Variants in ZNF469 observed in about 807,000 individuals in gnomAD.
ZNF469 encodes the protein zinc finger protein 469.
Under a neutral mutation model 1.0 loss-of-function variants are expected in ZNF469, and 1 was observed. The observed-to-expected ratio is 1.00, with a 90% CI of 0.35 to 4.73. The LOEUF is 4.73. Ranked by LOEUF, ZNF469 falls within the 30% of genes most tolerant of loss-of-function variation. The pLI is 0.16. For missense variants in ZNF469, 6,100 were observed against 5,356.3 expected (o/e 1.14, Z -4.33); for synonymous variants, 2,703 against 2,363.4 (o/e 1.14, Z -4.17).
chr16:88,311,902 T>G, the ZNF469 span, among the ~76,000 whole-genome samples: 6 of 152,206 alleles, frequency 3.9e-5, no homozygotes, highest in African/African-American at 1.4e-4. Context: ...TGAAATCTCA[T>G]TGGCTGCTTG....
At chr16:88,329,236 G>T in the ZNF469 span, among the ~76,000 whole-genome samples, 1 of 152,190 alleles carries the variant, frequency 6.6e-6, no homozygotes. Flanking sequence ...AGGGGCTCCA[G>T]GGAGGGAGCC....
the ZNF469 span, among the ~76,000 whole-genome samples, chr16:88,229,788 G>A: frequency 2.6e-5 from 4 of 152,232 alleles, no homozygotes. Context: ...CAACAATGGT[G>A]CCTCTGTGCA....
chr16:88,205,715 C>T, the ZNF469 span, among the ~76,000 whole-genome samples: 4 of 152,202 alleles, frequency 2.6e-5, no homozygotes, highest in South Asian at 2.1e-4. The surrounding 1 kb of genome is among the most constrained non-coding windows in gnomAD (Gnocchi z 4.2). Flanking sequence ...GGTGTAGTGA[C>T]GAGGTGTCAG....
chr16:88,393,370 T>G (rs1186528758), intron 1 of ZNF469, among the ~76,000 whole-genome samples: 2 of 152,228 alleles, frequency 1.3e-5, no homozygotes, highest in Non-Finnish European at 2.9e-5. Flanking sequence ...CATTTAGCTC[T>G]GGGAAAGGCT....
At chr16:88,214,065 C>A in the ZNF469 span, among the ~76,000 whole-genome samples, 1 of 152,210 alleles carries the variant, frequency 6.6e-6, no homozygotes, top group African/African-American at 2.4e-5. Context: ...CTTGTCTTGG[C>A]TGCAGAAGTC....
the ZNF469 span, among the ~76,000 whole-genome samples, chr16:88,280,551 C>T: frequency 1.0e-4 from 15 of 150,464 alleles, no homozygotes; most frequent in East Asian, 1.4e-3. Context: ...TGCTGTGCCA[C>T]GCTGATGCTT....
At chr16:88,397,244 C>T (rs1176559320) in intron 1 of ZNF469, among the ~76,000 whole-genome samples, 1 of 152,262 alleles carries the variant, frequency 6.6e-6, no homozygotes, top group Non-Finnish European at 1.5e-5. Flanking sequence ...ACCCGGTGCC[C>T]ACCCTCAAGC....
the ZNF469 span, among the ~76,000 whole-genome samples, chr16:88,275,883 C>G: frequency 6.6e-6 from 1 of 152,142 alleles, no homozygotes; most frequent in South Asian, 2.1e-4. Context: ...GCCCCTGGCT[C>G]ACACAGCCCA....
chr16:88,431,464 G>T lies in ZNF469; in HGVS notation c.3994G>T (p.Ala1332Ser). Reference sequence around the variant, plus strand: ...GCCTGGAGAATTTCTGGCACCCGTGGCTAACCCCTCAAGTACCGCCTGCCC... The same window carrying T: ...GCCTGGAGAATTTCTGGCACCCGTGTCTAACCCCTCAAGTACCGCCTGCCC... ...RQPGEFLAPV[A>S]NPSSTACPKP... The change falls in exon 3 of 3, where the codon GCT (alanine) becomes TCT (serine). Residue 1332 changes from alanine to serine, a missense_variant. By Grantham distance (99) the Ala-to-Ser change is moderately conservative (BLOSUM62 1). Transcript: ENST00000565624. The T allele has an allele frequency of 6.4e-7, 1 of 1,550,388 alleles. No individual in the cohort carries two copies. The highest frequency in any genetic ancestry group is 8.7e-7 in the Non-Finnish European group (1 of 1,146,978).
At chr16:88,324,233 G>C in the ZNF469 span, among the ~76,000 whole-genome samples, 1 of 152,264 alleles carries the variant, frequency 6.6e-6, no homozygotes, top group Admixed American at 6.5e-5. Flanking sequence ...CGGACCGCCA[G>C]CCCTGAAATT....
the ZNF469 span, among the ~76,000 whole-genome samples, chr16:88,186,821 G>C: frequency 1.3e-5 from 2 of 152,202 alleles, no homozygotes; most frequent in African/African-American, 2.4e-5. Flanking sequence ...TGGCGGGGCG[G>C]GGGGATGCGG....
the ZNF469 span, among the ~76,000 whole-genome samples, chr16:88,278,113 A>G: frequency 5.4e-3 from 115 of 21,480 alleles, 3 homozygotes; most frequent in Admixed American, 5.5e-3. Context: ...ATCAGTGCAC[A>G]GTTAGTGCTG....
the ZNF469 span, among the ~76,000 whole-genome samples, chr16:88,125,966 A>T: frequency 5.2e-4 from 79 of 151,882 alleles, 1 homozygote; most frequent in Middle Eastern, 0.01. Flanking sequence ...ATGCGGGTGG[A>T]TTGCCTGAGC....
chr16:88,334,064 G>C, the ZNF469 span, among the ~76,000 whole-genome samples: 1 of 151,902 alleles, frequency 6.6e-6, no homozygotes, highest in African/African-American at 2.4e-5. Flanking sequence ...GTGTCTGTGT[G>C]TGTCTGTGTG....
chr16:88,201,353 G>A, the ZNF469 span, among the ~76,000 whole-genome samples: 3 of 152,104 alleles, frequency 2.0e-5, no homozygotes, highest in African/African-American at 7.2e-5. This position sits in a 1 kb window ranked among gnomAD's most constrained non-coding sequence, Gnocchi z 5.0. Context: ...TCAGGAGTTC[G>A]AGACCAGCCT....
At chr16:88,326,227 G>A in the ZNF469 span, among the ~76,000 whole-genome samples, 17 of 152,338 alleles carry the variant, frequency 1.1e-4, no homozygotes, top group African/African-American at 3.4e-4. Context: ...TGCTGTTCTC[G>A]TGATAGTGAA....
At chr16:88,202,709 CCTCA>C in the ZNF469 span, among the ~76,000 whole-genome samples, 1 of 152,182 alleles carries the variant, frequency 6.6e-6, no homozygotes, top group African/African-American at 2.4e-5. Context: ...GGTGGGGGCG[CCTCA>C]CTCCTCACCG....
chr16:88,424,558 G>A lies in ZNF469; in HGVS notation c.-191-249G>A, dbSNP rs944961744. Among the ~76,000 whole-genome samples the A allele has an allele frequency of 3.9e-5, 6 of 152,312 alleles. No individual in the cohort carries two copies. Among genetic ancestry groups the A allele is most frequent in the Middle Eastern group, 3.4e-3 (1 of 294 alleles). On this transcript the variant is annotated intron_variant, in intron 1 of 2. Coordinates refer to ENST00000565624, the MANE Select transcript of ZNF469 (RefSeq NM_001367624.2). The surrounding 1 kb of genome is among the most constrained non-coding windows in gnomAD (Gnocchi z 4.3). ...CAACAAAAAGAGATTTAAGATAGCC[G>A]TCAAAGCTGCAGCTGAGGCAGCCAG...
At chr16:88,171,907 A>G in the ZNF469 span, among the ~76,000 whole-genome samples, 1 of 152,232 alleles carries the variant, frequency 6.6e-6, no homozygotes, top group African/African-American at 2.4e-5. Flanking sequence ...GGTAACAGGA[A>G]TGGGGATTTA....
Sources: gnomAD v4.1 joint callset for allele counts (sites outside exome capture counted in the v4.1 genomes callset) on GRCh38, gnomAD v4.1.1 for gene constraint, Gnocchi (gnomAD v3.1) non-coding constraint, MANE v1.5 for transcripts, NCBI Gene and HGNC (gene_info 2026-07-23, HGNC 2026-07-21) for gene names.